COL22A1: variants seen among roughly 807,000 people sequenced by gnomAD.
COL22A1 encodes collagen type XXII alpha 1 chain.
In COL22A1, 221 loss-of-function variants were observed where a neutral mutation model predicts 248.9. That is an observed-to-expected ratio of 0.89 (90% confidence interval 0.80 to 0.99). COL22A1 has a LOEUF of 0.99. COL22A1 is among the 50% of genes least tolerant of loss of function. The pLI, the probability that COL22A1 is intolerant of heterozygous loss-of-function variation, is 0.00. For missense variants in COL22A1, 2,240 were observed against 2,179.0 expected, an observed-to-expected ratio of 1.03 and a Z score of -0.56; for synonymous variants, 891 against 793.4, an observed-to-expected ratio of 1.12 and a Z score of -2.07.
At chr8:138,902,739 T>TACACACACACACACAC (rs35023865) in intron 1 of COL22A1, among the ~76,000 whole-genome samples, 4 of 93,884 alleles carry the variant, frequency 4.3e-5, no homozygotes, top group African/African-American at 1.8e-4. Flanking sequence ...TATATATATA[T>TACACACACACACACAC]ACACACACAC....
At chr8:138,762,247 C>T (rs1382645166) in intron 17 of COL22A1, among the ~76,000 whole-genome samples, 166 bp downstream of exon 17, 1 of 152,168 alleles carries the variant, frequency 6.6e-6, no homozygotes, top group East Asian at 1.9e-4. Flanking sequence ...GCAGAGTCAA[C>T]CTACAGCCAC....
chr8:138,706,895 A>T (rs905256057), intron 30 of COL22A1, among the ~76,000 whole-genome samples: 3 of 152,222 alleles, frequency 2.0e-5, no homozygotes, highest in African/African-American at 7.2e-5. Context: ...CACTAGCAAG[A>T]CTAATAAAGA....
rs149163176 is a variant in COL22A1, at chr8:138,779,510, C to T, written c.1703G>A (p.Arg568Gln). ...EPGLPGEVGM[R>Q]GPQGPPGLPG... ...GGCCCAGCTCACAGCAACACTCACC[C>T]GCATGCCGACCTCACCCGGCAGCCC... The change falls in exon 14 of 65, where the codon CGG (arginine) becomes CAG (glutamine). Residue 568 changes from arginine (R) to glutamine (Q), a missense_variant and splice_region_variant. Arg to Gln is a conservative substitution (Grantham distance 43). Transcript: ENST00000303045. 5.4e-4 allele frequency: 871 copies of T among 1,610,962 alleles called. 5 individuals carry two copies. In the African/African-American group the frequency reaches 9.2e-3, roughly 17 times the overall value.
intron 3 of COL22A1, among the ~76,000 whole-genome samples, chr8:138,862,026 T>TAAAAAAAAAAAAA (rs386414193): frequency 1.1e-5 from 1 of 93,268 alleles, no homozygotes; most frequent in African/African-American, 4.3e-5. Context: ...CTGTCTCTAC[T>TAAAAAAAAAAAAA]AAAAAAAAAA....
chr8:138,757,175 C>T (rs1043508145), intron 18 of COL22A1, among the ~76,000 whole-genome samples: 4 of 152,132 alleles, frequency 2.6e-5, no homozygotes, highest in South Asian at 2.1e-4. Flanking sequence ...GATCCCAGCG[C>T]GGATATCAAG....
chr8:138,675,995 C>T (rs1031203863), intron 41 of COL22A1, among the ~76,000 whole-genome samples: 59 of 152,258 alleles, frequency 3.9e-4, no homozygotes, highest in Admixed American at 2.4e-3. Context: ...TCAACCTGAA[C>T]GGGAACACAC....
intron 16 of COL22A1, among the ~76,000 whole-genome samples, chr8:138,773,202 C>T (rs181779988): frequency 6.6e-6 from 1 of 152,206 alleles, no homozygotes; most frequent in Admixed American, 6.5e-5. Flanking sequence ...AGCGGAACCA[C>T]CACAGGCCCC....
At position 138,694,509 on chromosome 8, in the gene COL22A1, G is replaced by A. The variant is rs1238633057; in HGVS notation, c.2699C>T (p.Pro900Leu). 14 of 1,613,868 alleles carry A rather than the reference G, an allele frequency of 8.7e-6. No homozygotes were observed. The highest frequency in any genetic ancestry group is 3.3e-5 in the Admixed American group (2 of 59,994). Residue 900 changes from proline to leucine, a missense_variant and splice_region_variant, in exon 34 of 65, where the codon CCG (proline) becomes CTG (leucine). Pro to Leu is a moderately conservative substitution (Grantham distance 98). Transcript: ENST00000303045. ...CAGGGGAAGGGATGGTTTTCTTACCGGTGGTCCAGTGGGTCCCTGAGGCCC... is the reference window on the plus strand; with the variant it reads ...CAGGGGAAGGGATGGTTTTCTTACCAGTGGTCCAGTGGGTCCCTGAGGCCC... ...ELGPQGPTGPPGAKGQEGAHG... is the reference protein window; with the variant it reads ...ELGPQGPTGPLGAKGQEGAHG...
intron 38 of COL22A1, 50 bp downstream of exon 38, chr8:138,685,158 A>T: frequency 7.9e-7 from 1 of 1,260,818 alleles, no homozygotes; most frequent in Non-Finnish European, 1.1e-6. Flanking sequence ...TTCCTTCTCT[A>T]ATTTTCACCT....
In COL22A1 at chr8:138,851,493, G is replaced by A. The variant is rs1307264426; in HGVS notation, c.659-7335C>T. 2.6e-5 allele frequency among the ~76,000 whole-genome samples: 4 copies of A among 152,222 alleles called. No homozygotes were observed. In the East Asian group the frequency reaches 5.8e-4, roughly 22 times the overall value. On this transcript the variant is annotated intron_variant, in intron 3 of 64. Transcript: ENST00000303045. ...CTCATGGTTGTTACTATGTATGAGT[G>A]CTACCTGTCCAACAAGGACTTTGGG...
rs138312535 is a variant in COL22A1 at position 138,604,764 on chromosome 8, T to G, written c.4110A>C (p.Glu1370Asp). The change falls in exon 59 of 65, where the codon GAA (glutamate) becomes GAC (aspartate). Residue 1370 changes from glutamate (E) to aspartate (D), a missense_variant. Physicochemically the swap from Glu to Asp is conservative, Grantham distance 45. Coordinates refer to ENST00000303045, the MANE Select transcript of COL22A1 (RefSeq NM_152888.3). ...TGCCTGGGACTCCTTTCTCTCCTGGTTCTCCCTGGAAAACAGAACAGAATA... is the reference window on the plus strand; with the variant it reads ...TGCCTGGGACTCCTTTCTCTCCTGGGTCTCCCTGGAAAACAGAACAGAATA... ...GFLGPRGPPG[E>D]PGEKGVPGKE... The G allele has an allele frequency of 3.7e-6, 6 of 1,612,438 alleles. No homozygotes were observed. In the African/African-American group the frequency reaches 8.0e-5, roughly 21 times the overall value.
chr8:138,766,705 C>A (rs561841786), intron 16 of COL22A1, among the ~76,000 whole-genome samples: 1 of 152,212 alleles, frequency 6.6e-6, no homozygotes, highest in African/African-American at 2.4e-5. Flanking sequence ...GAGACACACA[C>A]AGTCAGGGAC....
chr8:138,702,318 C>G (rs529830161), intron 31 of COL22A1, among the ~76,000 whole-genome samples: 1 of 152,284 alleles, frequency 6.6e-6, no homozygotes, highest in South Asian at 2.1e-4. Context: ...TTCCAACACC[C>G]TTATGGAATG....
chr8:138,757,104 C>T (rs1159825598), intron 18 of COL22A1, among the ~76,000 whole-genome samples: 1 of 152,202 alleles, frequency 6.6e-6, no homozygotes, highest in Non-Finnish European at 1.5e-5. Flanking sequence ...CTGCATTCAC[C>T]ACTCTATAGC....
chr8:138,666,068 A>G (rs1374780597), intron 41 of COL22A1, among the ~76,000 whole-genome samples: 3 of 152,234 alleles, frequency 2.0e-5, no homozygotes, highest in African/African-American at 7.2e-5. Flanking sequence ...AAGACACACA[A>G]TGATCATGAC....
chr8:138,911,587 A>G (rs572104036), intron 1 of COL22A1, among the ~76,000 whole-genome samples: 1 of 152,348 alleles, frequency 6.6e-6, no homozygotes, highest in Non-Finnish European at 1.5e-5. Flanking sequence ...CACCCCAGCC[A>G]TGGACAGCCT....
At chr8:138,839,750 G>A (rs1236933804) in intron 4 of COL22A1, among the ~76,000 whole-genome samples, 1 of 152,210 alleles carries the variant, frequency 6.6e-6, no homozygotes, top group African/African-American at 2.4e-5. Flanking sequence ...CATCCAGGAT[G>A]TCTGTGGCCA....
At chr8:138,805,509 G>T (rs1041566494) in intron 10 of COL22A1, among the ~76,000 whole-genome samples, 1 of 145,626 alleles carries the variant, frequency 6.9e-6, no homozygotes, top group African/African-American at 2.7e-5. Context: ...GTGTGTGATG[G>T]TGTGTGTGTA....
In COL22A1 at chr8:138,821,215, G is replaced by C; in HGVS notation, c.1166C>G (p.Pro389Arg). The change falls in exon 7 of 65, where the codon CCC (proline) becomes CGC (arginine). Residue 389 changes from proline (P) to arginine (R), a missense_variant. Pro to Arg is a moderately radical substitution (Grantham distance 103, BLOSUM62 -2). Transcript: ENST00000303045. ...GTCAATGTTCTCCCGTTCCTCGATG[G>C]GTAGTGTCTGCACCAGCGCACAGTC... ...HIDCALVQTL[P>R]IEERENIDIQ... The C allele has an allele frequency of 1.9e-6, 3 of 1,614,180 alleles. No individual in the cohort carries two copies. Among genetic ancestry groups the C allele is most frequent in the Non-Finnish European group, 2.5e-6 (3 of 1,180,034 alleles).
Sources: gnomAD v4.1 joint callset for allele counts (sites outside exome capture counted in the v4.1 genomes callset) on GRCh38, gnomAD v4.1.1 for gene constraint, MANE v1.5 for transcripts, NCBI Gene and HGNC (gene_info 2026-07-23, HGNC 2026-07-21) for gene names.